NBEAL1: variants seen among roughly 807,000 people sequenced by gnomAD.
The protein encoded by NBEAL1 is neurobeachin like 1, also known as neurobeachin-like protein 1.
Under a neutral mutation model 351.3 loss-of-function variants are expected in NBEAL1, and 273 were observed. The ratio of observed to expected loss-of-function variants is 0.78; its 90% CI spans 0.70 to 0.86. The LOEUF (loss-of-function observed/expected upper bound fraction) is 0.86. NBEAL1 is among the 40% of genes least tolerant of loss of function. The probability of loss-of-function intolerance (pLI) is 0.00; values close to 1 mark genes in which losing one functional copy is unlikely to be tolerated. For missense variants in NBEAL1, 2,961 were observed against 3,201.3 expected, an observed-to-expected ratio of 0.92 and a Z score of 1.81; for synonymous variants, 1,050 against 1,086.4, an observed-to-expected ratio of 0.97 and a Z score of 0.66.
At chr2:203,154,809 G>A (rs1271392081) in intron 35 of NBEAL1, among the ~76,000 whole-genome samples, 2 of 151,668 alleles carry the variant, frequency 1.3e-5, no homozygotes, top group Admixed American at 6.6e-5. Context: ...TTGTAGCATG[G>A]CACATACTTG....
rs1369270738 is a variant in NBEAL1, at chr2:203,220,923, AG to A, written c.*3570del. Among the ~76,000 whole-genome samples, 1 of 152,210 alleles carries A rather than the reference AG, an allele frequency of 6.6e-6. No individual in the cohort carries two copies. Among genetic ancestry groups the A allele is most frequent in the Admixed American group, 6.5e-5 (1 of 15,272 alleles). ...ACAGTGCAGTGCATCCTTTTGTAGA[AG>A]AAAAAATACCAAGTGTTCATTCTGT... On this transcript the variant is annotated 3_prime_UTR_variant, in exon 56 of 56. Transcript: ENST00000683969.
At position 203,145,022 on chromosome 2, in the gene NBEAL1, T is replaced by C. The variant is rs760121274; in HGVS notation, c.5166T>C (p.Tyr1722=). The C allele has an allele frequency of 6.3e-7, 1 of 1,588,990 alleles. No homozygotes were observed. The highest frequency in any genetic ancestry group is 8.5e-7 in the Non-Finnish European group (1 of 1,170,408). Residue 1722 remains tyrosine, a synonymous_variant, in exon 33 of 56, where the codon TAT becomes TAC. Transcript: ENST00000683969. ...ATTTTTTTGGTAAGATTGTACCTTA[T>C]ATGAAGCAGTATGAAGCTCATACAT... The part of the protein sequence containing the change: ...QVYIEKYIVP[Y]MKQYEAHTFY...
intron 10 of NBEAL1, chr2:203,085,584 T>C (rs1030057698): frequency 3.9e-5 from 6 of 152,212 alleles, no homozygotes; most frequent in African/African-American, 1.4e-4. Flanking sequence ...TCCTAACTTT[T>C]ACACCATGTA....
chr2:203,179,057 A>G (rs1028255872), intron 42 of NBEAL1, among the ~76,000 whole-genome samples: 1 of 152,218 alleles, frequency 6.6e-6, no homozygotes, highest in African/African-American at 2.4e-5. Context: ...CTCTGCTTCA[A>G]ACCAAGATTA....
At chr2:203,190,496 G>C in intron 46 of NBEAL1, 107 bp downstream of exon 46, 1 of 817,730 alleles carries the variant, frequency 1.2e-6, no homozygotes, top group South Asian at 1.7e-5. Flanking sequence ...GTTACTCTCA[G>C]TCACAGAAAG....
At chr2:203,122,073 A>G (rs1354252171) in intron 18 of NBEAL1, among the ~76,000 whole-genome samples, 181 bp from the exon 19 acceptor site, 1 of 152,224 alleles carries the variant, frequency 6.6e-6, no homozygotes, top group South Asian at 2.1e-4. Context: ...GGCATGAGCC[A>G]CCACGCCCGG....
intron 12 of NBEAL1, among the ~76,000 whole-genome samples, chr2:203,104,755 CT>C (rs1487917492): frequency 6.6e-6 from 1 of 152,072 alleles, no homozygotes; most frequent in Non-Finnish European, 1.5e-5. Flanking sequence ...GTAATGAATT[CT>C]TTTAGCATTT....
chr2:203,216,425 C>T (rs1009812560), intron 55 of NBEAL1, among the ~76,000 whole-genome samples: 1 of 151,996 alleles, frequency 6.6e-6, no homozygotes, highest in Admixed American at 6.6e-5. Flanking sequence ...AATCTCCAAA[C>T]CTGTATGTCT....
chr2:203,123,444 T>C (rs1261116431), intron 19 of NBEAL1, among the ~76,000 whole-genome samples: 1 of 151,746 alleles, frequency 6.6e-6, no homozygotes. Flanking sequence ...GCGATTCTCC[T>C]GCCTCAGCCT....
In NBEAL1 at chr2:203,017,263, A is replaced by G. The variant is rs527474185; in HGVS notation, c.51+828A>G. Reference sequence around the variant, plus strand: ...ATGTACTATTTGAGTTAATTTAAGTATGTGTGGTGAAATTCTCAAGTCACA... The same window carrying G: ...ATGTACTATTTGAGTTAATTTAAGTGTGTGTGGTGAAATTCTCAAGTCACA... On this transcript the variant is annotated intron_variant, in intron 2 of 55. Transcript: ENST00000683969. Among the ~76,000 whole-genome samples the G allele has an allele frequency of 7.2e-5, 11 of 152,318 alleles. No individual in the cohort carries two copies. In the Middle Eastern group the frequency reaches 0.01, roughly 141 times the overall value.
chr2:203,148,937 AATATACCTGTAAAT>A (rs2063577467), intron 33 of NBEAL1, 40 bp from the exon 34 acceptor site: 7 of 1,431,316 alleles, frequency 4.9e-6, no homozygotes, highest in Non-Finnish European at 9.3e-7. Flanking sequence ...TTAAAATGTA[AATATACCTGTAAAT>A]ATATGAGTCA....
chr2:203,066,329 T>C (rs571108291), intron 6 of NBEAL1, among the ~76,000 whole-genome samples: 1 of 151,984 alleles, frequency 6.6e-6, no homozygotes, highest in Non-Finnish European at 1.5e-5. Flanking sequence ...TATCCTTTTT[T>C]TTTTTTTTTT....
At chr2:203,087,258 A>G (rs974324662) in intron 10 of NBEAL1, among the ~76,000 whole-genome samples, 3 of 150,686 alleles carry the variant, frequency 2.0e-5, no homozygotes, top group Non-Finnish European at 3.0e-5. Context: ...GTGCCCGGCT[A>G]ATTTTCATAT....
chr2:203,168,893 C>CAAAAAAAAA (rs35683401), intron 38 of NBEAL1, among the ~76,000 whole-genome samples: 1 of 97,264 alleles, frequency 1.0e-5, no homozygotes, highest in Non-Finnish European at 1.9e-5. Flanking sequence ...GACTCCATCT[C>CAAAAAAAAA]AAAAAAAAAA....
chr2:203,196,361 C>T (rs752366197), intron 47 of NBEAL1, among the ~76,000 whole-genome samples: 2 of 152,132 alleles, frequency 1.3e-5, no homozygotes, highest in Non-Finnish European at 2.9e-5. Flanking sequence ...ACTTGTTAAT[C>T]CCTTTTCATC....
chr2:203,144,986 G>T (rs767467564), intron 32 of NBEAL1, 25 bp from the exon 33 acceptor site: 38 of 1,511,236 alleles, frequency 2.5e-5, no homozygotes, highest in Admixed American at 1.0e-4. Context: ...TAAATTTTAT[G>T]TATCTTTTTT....
chr2:203,149,103 C>T lies in NBEAL1; in HGVS notation c.5417C>T (p.Ala1806Val). The T allele has an allele frequency of 6.2e-7, 1 of 1,610,352 alleles. No individual in the cohort carries two copies. The highest frequency in any genetic ancestry group is 8.5e-7 in the Non-Finnish European group (1 of 1,177,656). Residue 1806 changes from alanine (A) to valine (V), a missense_variant, in exon 34 of 56, where the codon GCA becomes GTA. By Grantham distance (64) the Ala-to-Val change is moderately conservative (BLOSUM62 0). Coordinates refer to ENST00000683969, the MANE Select transcript of NBEAL1 (RefSeq NM_001378026.1). ...QQLATLRRWK[A>V]IQLYLTCERG... ...TTAGCCACTCTTAGACGCTGGAAAGCAATACAGCTCTATCTTACATGTGAA... is the reference window on the plus strand; with the variant it reads ...TTAGCCACTCTTAGACGCTGGAAAGTAATACAGCTCTATCTTACATGTGAA...
rs2063224906 is a variant in NBEAL1, at chr2:203,136,866, G to T, written c.4565+92G>T. The T allele has an allele frequency of 3.5e-6, 4 of 1,153,540 alleles. No homozygotes were observed. In the East Asian group the frequency reaches 7.1e-5, roughly 21 times the overall value. 71.5% of individuals were successfully genotyped at this position (1,153,540 alleles called of 1,614,324 possible). A position where few individuals can be genotyped will look rare whatever the true frequency, so the allele number is the denominator to read the frequency against. ...TTATTGAACATTTATTCAGTATTCT[G>T]TGGATATAACAAGGGAGAAAAAGAG... On this transcript the variant is annotated intron_variant, in intron 29 of 55. Coordinates refer to ENST00000683969, the MANE Select transcript of NBEAL1 (RefSeq NM_001378026.1).
intron 55 of NBEAL1, among the ~76,000 whole-genome samples, chr2:203,215,844 C>G (rs979848663): frequency 6.6e-6 from 1 of 151,846 alleles, no homozygotes; most frequent in African/African-American, 2.4e-5. Context: ...AACCCTGTCT[C>G]TACTAAAAAT....
Sources: allele counts gnomAD v4.1 joint callset (sites outside exome capture counted in the v4.1 genomes callset), GRCh38; gene constraint gnomAD v4.1.1; transcripts MANE v1.5; gene names NCBI Gene and HGNC (gene_info 2026-07-23, HGNC 2026-07-21).